The following DIAPH2 variants were observed in gnomAD, a reference collection of about 807,000 sequenced individuals.
The protein encoded by DIAPH2 is protein diaphanous homolog 2.
DIAPH2 carries 35 observed loss-of-function variants against 92.7 expected under a neutral mutation model. That is an observed-to-expected ratio of 0.38 (90% CI 0.29 to 0.50). The LOEUF (loss-of-function observed/expected upper bound fraction) is 0.50. Ranked by LOEUF, DIAPH2 falls within the 20% of genes least tolerant of loss-of-function variation. The pLI is 0.94. For synonymous variants in DIAPH2, 301 were observed against 280.4 expected (o/e 1.07, Z -0.73); for missense variants, 701 against 819.5 (o/e 0.86, Z 1.77).
At chrX:97,200,448 G>A (rs749555464) in intron 22 of DIAPH2, among the ~76,000 whole-genome samples, 1 of 1,101 alleles carries the variant, frequency 9.1e-4, no homozygotes, top group African/African-American at 1.2e-3. Context: ...ATCTGGAGTC[G>A]AGCTGGGATG....
chrX:97,460,158 G>A (rs965749985), intron 26 of DIAPH2, among the ~76,000 whole-genome samples: 2 of 111,179 alleles, frequency 1.8e-5, no homozygotes, highest in Non-Finnish European at 1.9e-5. Flanking sequence ...TCCTGCTAGA[G>A]CAGGATGTTA....
chrX:97,316,882 G>T (rs1435860299), intron 23 of DIAPH2, among the ~76,000 whole-genome samples: 1 of 111,975 alleles, frequency 8.9e-6, no homozygotes, highest in Non-Finnish European at 1.9e-5. Context: ...ATGGGTTTAT[G>T]TGTGGGGGTC....
chrX:97,141,964 T>C (rs753255783), intron 22 of DIAPH2, among the ~76,000 whole-genome samples, 170 bp downstream of exon 22: 3 of 112,439 alleles, frequency 2.7e-5, no homozygotes, highest in East Asian at 5.6e-4. Context: ...TACTACATTT[T>C]AATAACCTAT....
chrX:97,297,517 T>A (rs1264947734), intron 23 of DIAPH2, among the ~76,000 whole-genome samples: 2 of 109,860 alleles, frequency 1.8e-5, no homozygotes, highest in Non-Finnish European at 3.8e-5. Flanking sequence ...ATAGCACTGG[T>A]GGCAAACATG....
At chrX:96,973,863 T>G (rs2065944151) in intron 17 of DIAPH2, among the ~76,000 whole-genome samples, 1 of 110,018 alleles carries the variant, frequency 9.1e-6, no homozygotes, top group South Asian at 4.0e-4. Flanking sequence ...GCCCGACTAA[T>G]TTTGTATTTT....
intron 4 of DIAPH2, among the ~76,000 whole-genome samples, chrX:96,852,811 C>G (rs1482264006): frequency 8.9e-6 from 1 of 111,940 alleles, no homozygotes; most frequent in African/African-American, 3.2e-5. Flanking sequence ...AGTAAATTGA[C>G]CATTTGGCAA....
At chrX:97,399,008 G>T (rs897873404) in intron 25 of DIAPH2, among the ~76,000 whole-genome samples, 3 of 110,973 alleles carry the variant, frequency 2.7e-5, no homozygotes, top group Non-Finnish European at 3.8e-5. Flanking sequence ...GCCTCCCAAA[G>T]TCTGGTATTA....
At chrX:97,035,830 G>A (rs773087206) in intron 17 of DIAPH2, among the ~76,000 whole-genome samples, 1 of 110,359 alleles carries the variant, frequency 9.1e-6, no homozygotes, top group East Asian at 2.9e-4. Context: ...GTTACATGGT[G>A]AGACCCTGTC....
intron 23 of DIAPH2, among the ~76,000 whole-genome samples, chrX:97,309,787 T>G (rs1039063663): frequency 8.0e-5 from 9 of 112,235 alleles, no homozygotes; most frequent in African/African-American, 2.9e-4. Context: ...AACTAAAATT[T>G]TATCTCTTCT....
chrX:97,264,755 A>C (rs1177077728), intron 23 of DIAPH2, among the ~76,000 whole-genome samples: 2 of 111,669 alleles, frequency 1.8e-5, no homozygotes, highest in African/African-American at 6.5e-5. Flanking sequence ...GGAGGCTGAG[A>C]TGGGTGGATC....
intron 21 of DIAPH2, among the ~76,000 whole-genome samples, chrX:97,119,019 CG>C (rs1457593929): frequency 9.0e-6 from 1 of 111,501 alleles, no homozygotes; most frequent in Non-Finnish European, 1.9e-5. Flanking sequence ...CCCTGATTAG[CG>C]TAATAACCAA....
chrX:97,086,642 A>G (rs1181413641), intron 19 of DIAPH2, among the ~76,000 whole-genome samples: 1 of 87,711 alleles, frequency 1.1e-5, no homozygotes, highest in Non-Finnish European at 2.3e-5. Context: ...TTTGTACACC[A>G]TAAATATATC....
chrX:97,578,300 C>G (rs866939006), intron 26 of DIAPH2, among the ~76,000 whole-genome samples: 2 of 105,553 alleles, frequency 1.9e-5, no homozygotes, highest in South Asian at 4.4e-4. Context: ...AGGTATATCT[C>G]CCAATGCTAT....
At chrX:96,951,638 T>C (rs770775856) in intron 15 of DIAPH2, among the ~76,000 whole-genome samples, 1 of 111,743 alleles carries the variant, frequency 8.9e-6, no homozygotes, top group East Asian at 2.8e-4. Flanking sequence ...TACTTTCTAG[T>C]GTGCCCAAAA....
intron 17 of DIAPH2, among the ~76,000 whole-genome samples, chrX:96,989,282 TGATA>T: frequency 8.9e-6 from 1 of 111,989 alleles, no homozygotes; most frequent in Middle Eastern, 4.6e-3. Flanking sequence ...TTGTTATTTA[TGATA>T]GATCACTAAG....
chrX:96,846,111 A>T (rs2064969544), intron 4 of DIAPH2, among the ~76,000 whole-genome samples: 1 of 103,874 alleles, frequency 9.6e-6, no homozygotes. Flanking sequence ...GCCGAGCAAT[A>T]CATTTCTTTG....
intron 26 of DIAPH2, among the ~76,000 whole-genome samples, chrX:97,538,599 A>G (rs1278605287): frequency 8.9e-6 from 1 of 112,113 alleles, no homozygotes; most frequent in African/African-American, 3.2e-5. Context: ...ATTTGTTTAT[A>G]AAGTTTTTAC....
intron 4 of DIAPH2, among the ~76,000 whole-genome samples, chrX:96,827,260 G>C (rs2064821680): frequency 1.8e-5 from 2 of 111,855 alleles, no homozygotes; most frequent in African/African-American, 6.5e-5. Context: ...GATATTATCT[G>C]TTATCTATCT....
At chrX:97,258,538 A>C in intron 23 of DIAPH2, among the ~76,000 whole-genome samples, 1 of 107,063 alleles carries the variant, frequency 9.3e-6, no homozygotes, top group Non-Finnish European at 1.9e-5. Context: ...ATGCCACTGC[A>C]CTCTAGCCTG....
Sources: gnomAD v4.1 joint callset for allele counts (sites outside exome capture counted in the v4.1 genomes callset) on GRCh38, gnomAD v4.1.1 for gene constraint, MANE v1.5 for transcripts, NCBI Gene and HGNC (gene_info 2026-07-23, HGNC 2026-07-21) for gene names.